The following KCTD16 variants were observed in gnomAD, a reference collection of about 807,000 sequenced individuals.
The protein encoded by KCTD16 is potassium channel tetramerization domain containing 16.
In KCTD16, 13 loss-of-function variants were observed where a neutral mutation model predicts 33.2. The ratio of observed to expected loss-of-function variants is 0.39; its 90% confidence interval spans 0.25 to 0.62. The LOEUF (loss-of-function observed/expected upper bound fraction) is 0.62. Ranked by LOEUF, KCTD16 falls within the 20% of genes least tolerant of loss-of-function variation. The pLI is 0.50. For synonymous variants in KCTD16, 197 were observed against 195.3 expected (o/e 1.01, Z -0.07); for missense variants, 441 against 525.1 (o/e 0.84, Z 1.57).
intron 3 of KCTD16, among the ~76,000 whole-genome samples, chr5:144,253,642 A>G (rs1469248680): frequency 1.3e-5 from 2 of 152,210 alleles, no homozygotes; most frequent in East Asian, 3.8e-4. Flanking sequence ...TTAAAGAAAA[A>G]GAATACCGTT....
intron 3 of KCTD16, among the ~76,000 whole-genome samples, chr5:144,269,079 A>G (rs760622606): frequency 2.6e-5 from 4 of 152,086 alleles, no homozygotes; most frequent in Admixed American, 6.6e-5. Context: ...AAAAGTGAAC[A>G]GACACTAAGG....
At chr5:144,414,931 T>A (rs1753012275) in intron 3 of KCTD16, among the ~76,000 whole-genome samples, 1 of 152,198 alleles carries the variant, frequency 6.6e-6, no homozygotes, top group Non-Finnish European at 1.5e-5. Flanking sequence ...TTTTAGCTGA[T>A]CCTCATACAA....
intron 1 of KCTD16, among the ~76,000 whole-genome samples, chr5:144,172,815 A>G (rs960805258): frequency 6.6e-6 from 1 of 152,242 alleles, no homozygotes; most frequent in Admixed American, 6.5e-5. Flanking sequence ...CGAGTCATCA[A>G]TAAGATGCAA....
chr5:144,453,762 A>G (rs1254461754), intron 3 of KCTD16, among the ~76,000 whole-genome samples: 1 of 152,158 alleles, frequency 6.6e-6, no homozygotes, highest in African/African-American at 2.4e-5. Context: ...TTTTTGACAT[A>G]GAAGAGGGCT....
chr5:144,249,559 G>A (rs1419813184), intron 3 of KCTD16, among the ~76,000 whole-genome samples: 1 of 152,120 alleles, frequency 6.6e-6, no homozygotes. Context: ...AGTTGGTGGA[G>A]AGAAAGCCTA....
intron 3 of KCTD16, among the ~76,000 whole-genome samples, chr5:144,426,063 T>C (rs1427157718): frequency 6.6e-6 from 1 of 152,158 alleles, no homozygotes; most frequent in African/African-American, 2.4e-5. Flanking sequence ...AATTAAGTCA[T>C]TTCTTTTTTC....
At chr5:144,209,914 A>G (rs1431506652) in intron 3 of KCTD16, among the ~76,000 whole-genome samples, 6 of 148,106 alleles carry the variant, frequency 4.1e-5, no homozygotes, top group Non-Finnish European at 5.9e-5. Flanking sequence ...ATATGTATAT[A>G]TATATATATA....
At chr5:144,208,019 C>T (rs151271480) in intron 3 of KCTD16, among the ~76,000 whole-genome samples, 136 of 152,266 alleles carry the variant, frequency 8.9e-4, no homozygotes, top group African/African-American at 3.2e-3. Context: ...ATGGATGTTG[C>T]AATGAATAAT....
intron 3 of KCTD16, among the ~76,000 whole-genome samples, chr5:144,261,671 A>C (rs1755015802): frequency 1.3e-5 from 2 of 152,224 alleles, no homozygotes; most frequent in South Asian, 4.1e-4. Flanking sequence ...AAAGTGTAAA[A>C]ATTCCTTGCA....
intron 3 of KCTD16, among the ~76,000 whole-genome samples, chr5:144,290,868 T>C (rs991190353): frequency 2.0e-5 from 3 of 152,238 alleles, no homozygotes; most frequent in African/African-American, 7.2e-5. Context: ...TATGTAGTTA[T>C]ACAGAGCTAC....
intron 3 of KCTD16, among the ~76,000 whole-genome samples, chr5:144,217,037 G>A (rs569558164): frequency 1.3e-5 from 2 of 152,238 alleles, no homozygotes; most frequent in Non-Finnish European, 2.9e-5. Flanking sequence ...AAGGAAATTA[G>A]GCATATGGAT....
intron 3 of KCTD16, among the ~76,000 whole-genome samples, chr5:144,385,955 T>A (rs952656220): frequency 1.3e-5 from 2 of 152,178 alleles, no homozygotes; most frequent in Admixed American, 6.5e-5. Flanking sequence ...ATTAAAAATA[T>A]TCATGGTAGA....
intron 2 of KCTD16, among the ~76,000 whole-genome samples, chr5:144,187,279 C>T (rs1016145105): frequency 6.6e-6 from 1 of 152,072 alleles, no homozygotes; most frequent in Non-Finnish European, 1.5e-5. Context: ...ATAGTTGTTA[C>T]TATGCATATT....
intron 3 of KCTD16, among the ~76,000 whole-genome samples, chr5:144,361,228 A>G (rs1470530375): frequency 6.6e-6 from 1 of 152,122 alleles, no homozygotes; most frequent in African/African-American, 2.4e-5. Context: ...TACAAAGGAC[A>G]TGAACACCTC....
chr5:144,404,448 G>A (rs1561595504), intron 3 of KCTD16, among the ~76,000 whole-genome samples: 1 of 152,128 alleles, frequency 6.6e-6, no homozygotes, highest in Admixed American at 6.5e-5. Context: ...ATTTGAGAAA[G>A]ATGTATATGA....
chr5:144,275,999 A>G (rs78767583), intron 3 of KCTD16, among the ~76,000 whole-genome samples: 1,805 of 152,238 alleles, frequency 0.012, 34 homozygotes, highest in African/African-American at 0.042. Flanking sequence ...GCCCCAGGAA[A>G]ATTTTCTGAT....
At chr5:144,412,375 C>T (rs1752951566) in intron 3 of KCTD16, among the ~76,000 whole-genome samples, 1 of 152,082 alleles carries the variant, frequency 6.6e-6, no homozygotes, top group South Asian at 2.1e-4. Context: ...TTTGCAGCTA[C>T]ATAAATGAAA....
intron 3 of KCTD16, among the ~76,000 whole-genome samples, chr5:144,249,973 C>T (rs937107845): frequency 2.6e-5 from 4 of 152,168 alleles, no homozygotes; most frequent in African/African-American, 9.7e-5. Context: ...TTTGCTGACT[C>T]AAGTCTTTGC....
intron 3 of KCTD16, among the ~76,000 whole-genome samples, chr5:144,301,466 G>C (rs1300928029): frequency 6.6e-6 from 1 of 152,146 alleles, no homozygotes; most frequent in Non-Finnish European, 1.5e-5. Flanking sequence ...TGTATGCCCT[G>C]ACTCCTCAGC....
Sources: gnomAD v4.1 joint callset for allele counts (sites outside exome capture counted in the v4.1 genomes callset) on GRCh38, gnomAD v4.1.1 for gene constraint, MANE v1.5 for transcripts, NCBI Gene and HGNC (gene_info 2026-07-23, HGNC 2026-07-21) for gene names.